Variants in SYNPO2 observed in about 807,000 individuals in gnomAD.
The protein encoded by SYNPO2 is synaptopodin 2, also known as synaptopodin-2.
Under a neutral mutation model 85.0 loss-of-function variants are expected in SYNPO2, and 56 were observed. The observed-to-expected ratio is 0.66, with a 90% CI of 0.53 to 0.82. The LOEUF is 0.82. Ranked by LOEUF, SYNPO2 falls within the 40% of genes least tolerant of loss-of-function variation. The pLI is 0.00. For missense variants in SYNPO2, 1,575 were observed against 1,534.2 expected, an observed-to-expected ratio of 1.03 and a Z score of -0.44; for synonymous variants, 602 against 591.1, an observed-to-expected ratio of 1.02 and a Z score of -0.27.
intron 1 of SYNPO2, among the ~76,000 whole-genome samples, chr4:118,974,691 C>A (rs1735656724): frequency 6.6e-6 from 1 of 152,120 alleles, no homozygotes; most frequent in Admixed American, 6.5e-5. Flanking sequence ...GATTTTGATT[C>A]TTTCCCTATG....
chr4:119,038,862 C>A (rs541573830), intron 4 of SYNPO2, among the ~76,000 whole-genome samples: 4 of 151,250 alleles, frequency 2.6e-5, no homozygotes, highest in Non-Finnish European at 5.9e-5. Context: ...GGCTTCCCAG[C>A]AAGGACACTT....
At chr4:118,851,498 A>C (rs1731419533) in intron 1 of SYNPO2, among the ~76,000 whole-genome samples, 1 of 152,150 alleles carries the variant, frequency 6.6e-6, no homozygotes, top group African/African-American at 2.4e-5. Flanking sequence ...AAAAAAAAAC[A>C]AAAAACAAAA....
intron 1 of SYNPO2, among the ~76,000 whole-genome samples, chr4:119,004,534 T>C (rs1467579163): frequency 2.7e-5 from 4 of 149,912 alleles, no homozygotes; most frequent in Non-Finnish European, 5.9e-5. Flanking sequence ...GCTTCATCCA[T>C]GTCCCTACAA....
At chr4:118,983,672 C>T (rs1206112694) in intron 1 of SYNPO2, among the ~76,000 whole-genome samples, 1 of 152,206 alleles carries the variant, frequency 6.6e-6, no homozygotes, top group Non-Finnish European at 1.5e-5. Flanking sequence ...AAGAATTTTT[C>T]AGTACTCAGC....
intron 1 of SYNPO2, among the ~76,000 whole-genome samples, chr4:118,984,446 A>G (rs190552257): frequency 6.6e-6 from 1 of 152,256 alleles, no homozygotes; most frequent in Admixed American, 6.5e-5. Context: ...ATCAAACTTC[A>G]TCATATCGTT....
intron 1 of SYNPO2, among the ~76,000 whole-genome samples, chr4:118,931,997 C>T (rs1163417695): frequency 6.6e-6 from 1 of 152,222 alleles, no homozygotes; most frequent in African/African-American, 2.4e-5. Context: ...TCATATTACT[C>T]ATTTTGCAAG....
chr4:119,034,154 A>G lies in SYNPO2; in HGVS notation c.3252+2127A>G, dbSNP rs927015562. On this transcript the variant is annotated intron_variant, in intron 4 of 4. Transcript: ENST00000307142. ...CAAAGGAAATCTGTTGAATGCTTGC[A>G]TTTTGAATTCTTTTCTAATAGAACA... 5.1e-6 allele frequency: 5 copies of G among 985,360 alleles called. No homozygotes were observed. In the African/African-American group the frequency reaches 8.7e-5, roughly 17 times the overall value. The allele number at this position is 985,360 out of a possible 1,614,324, so 61.0% of individuals were successfully genotyped here.
At chr4:119,008,773 T>C (rs890701898) in intron 1 of SYNPO2, among the ~76,000 whole-genome samples, 3 of 152,180 alleles carry the variant, frequency 2.0e-5, no homozygotes, top group African/African-American at 7.2e-5. Flanking sequence ...TTTTTTTTGC[T>C]GAACTTTAAC....
intron 4 of SYNPO2, chr4:119,033,591 T>G (rs1236176925): frequency 1.4e-5 from 14 of 985,414 alleles, no homozygotes; most frequent in Non-Finnish European, 1.6e-5. Flanking sequence ...TTTAGAGACC[T>G]CTCAGAAAAA....
At chr4:118,852,501 A>C (rs1731437709) in intron 1 of SYNPO2, among the ~76,000 whole-genome samples, 1 of 152,248 alleles carries the variant, frequency 6.6e-6, no homozygotes, top group South Asian at 2.1e-4. Flanking sequence ...TGGATAAAGA[A>C]AATGTGGTAC....
rs1739369119 is a variant in SYNPO2, at chr4:119,060,253, A to G, written c.*2319A>G. On this transcript the variant is annotated 3_prime_UTR_variant, in exon 5 of 5. Transcript: ENST00000307142. ...TCATTGCATGCACTAGATCAATATTATCATCTGTATTAAGCTATCTGAATT... is the reference window on the plus strand; with the variant it reads ...TCATTGCATGCACTAGATCAATATTGTCATCTGTATTAAGCTATCTGAATT... 6.6e-6 allele frequency: 1 copy of G among 152,224 alleles called. No individual in the cohort carries two copies. The allele number at this position is 152,224 out of a possible 1,614,324, so 9.4% of individuals were successfully genotyped here. A position where few individuals can be genotyped will look rare whatever the true frequency, so the allele number is the denominator to read the frequency against.
intron 1 of SYNPO2, among the ~76,000 whole-genome samples, chr4:118,910,799 T>C (rs551992442): frequency 6.6e-6 from 1 of 152,278 alleles, no homozygotes; most frequent in South Asian, 2.1e-4. Context: ...CAAATTCTTG[T>C]TTCTTATTTA....
chr4:119,043,980 A>G (rs917416768), intron 4 of SYNPO2: 2 of 151,318 alleles, frequency 1.3e-5, no homozygotes, highest in African/African-American at 4.9e-5. Flanking sequence ...GCAAATAAAA[A>G]CCAGCTGTAA....
At chr4:118,990,192 T>C (rs143071977) in intron 1 of SYNPO2, among the ~76,000 whole-genome samples, 2 of 152,232 alleles carry the variant, frequency 1.3e-5, no homozygotes, top group East Asian at 3.9e-4. Context: ...TCATATTGGA[T>C]TATTGAAAGA....
intron 1 of SYNPO2, among the ~76,000 whole-genome samples, chr4:118,939,054 TCA>T (rs1734211468): frequency 1.3e-5 from 2 of 152,202 alleles, no homozygotes; most frequent in African/African-American, 2.4e-5. Context: ...ATTTTCACTG[TCA>T]GACACCTTCC....
At chr4:119,020,553 A>T (rs1007129718) in intron 1 of SYNPO2, among the ~76,000 whole-genome samples, 2 of 152,178 alleles carry the variant, frequency 1.3e-5, no homozygotes, top group Non-Finnish European at 2.9e-5. Context: ...ACTCATGGCT[A>T]ATAAACAGAA....
intron 1 of SYNPO2, among the ~76,000 whole-genome samples, chr4:119,012,810 G>A (rs1737375745): frequency 6.6e-6 from 1 of 152,094 alleles, no homozygotes; most frequent in South Asian, 2.1e-4. Flanking sequence ...TGGGCACTTG[G>A]GTTGGTTCCA....
At chr4:118,987,993 C>A (rs150994106) in intron 1 of SYNPO2, among the ~76,000 whole-genome samples, 2 of 152,184 alleles carry the variant, frequency 1.3e-5, no homozygotes, top group African/African-American at 4.8e-5. Context: ...TTAAAATTAT[C>A]ATTATTTTTC....
intron 1 of SYNPO2, among the ~76,000 whole-genome samples, chr4:118,982,515 G>A (rs922791001): frequency 6.6e-5 from 10 of 152,160 alleles, no homozygotes; most frequent in African/African-American, 2.4e-4. Context: ...GGGAAGAGAA[G>A]AGAAGGAGGA....
Sources: allele counts gnomAD v4.1 joint callset (sites outside exome capture counted in the v4.1 genomes callset), GRCh38; gene constraint gnomAD v4.1.1; transcripts MANE v1.5; gene names NCBI Gene and HGNC (gene_info 2026-07-23, HGNC 2026-07-21).